The following NALF1 variants were observed in gnomAD, a reference collection of about 807,000 sequenced individuals.
The protein encoded by NALF1 is NALCN channel auxiliary factor 1.
NALF1 carries 3 observed loss-of-function variants against 48.4 expected under a neutral mutation model. The observed-to-expected ratio is 0.06, with a 90% CI of 0.03 to 0.16. NALF1 has a LOEUF of 0.16. Among genes scored for constraint, NALF1 ranks in the 10% least tolerant of loss-of-function variants. The pLI, the probability that NALF1 is intolerant of heterozygous loss-of-function variation, is 1.00. For missense variants in NALF1, 526 were observed against 571.5 expected, an observed-to-expected ratio of 0.92 and a Z score of 0.81; for synonymous variants, 262 against 245.7, an observed-to-expected ratio of 1.07 and a Z score of -0.62.
At chr13:107,619,243 A>C (rs915236929) in intron 1 of NALF1, among the ~76,000 whole-genome samples, 3 of 152,174 alleles carry the variant, frequency 2.0e-5, no homozygotes, top group African/African-American at 7.2e-5. Flanking sequence ...TTATGCGCTC[A>C]GGTCGGTTAA....
At position 107,378,682 on chromosome 13, in the gene NALF1, C is replaced by T. The variant is rs998302562; in HGVS notation, c.916-167927G>A. 3.9e-5 allele frequency among the ~76,000 whole-genome samples: 6 copies of T among 151,946 alleles called. No homozygotes were observed. The South Asian group carries it at 8.3e-4, about 21-fold the overall frequency. ...AAATCTAAAAATTTGAAATATTGAA[C>T]ATTTGAAATATTTTGAGATATTGAA... On this transcript the variant is annotated intron_variant, in intron 1 of 2. Transcript: ENST00000375915.
chr13:107,258,345 A>G (rs1880862457), intron 1 of NALF1, among the ~76,000 whole-genome samples: 1 of 152,196 alleles, frequency 6.6e-6, no homozygotes, highest in Admixed American at 6.5e-5. Context: ...TGTTTTTACA[A>G]TGAAGGATCT....
In NALF1 at chr13:107,485,108, C is replaced by T. The variant is rs527596000; in HGVS notation, c.916-274353G>A. 2.0e-5 allele frequency among the ~76,000 whole-genome samples: 3 copies of T among 152,252 alleles called. No homozygotes were observed. In the South Asian group the frequency reaches 6.2e-4, roughly 32 times the overall value. On this transcript the variant is annotated intron_variant, in intron 1 of 2. Coordinates refer to ENST00000375915, the MANE Select transcript of NALF1 (RefSeq NM_001080396.3). ...TTCAGCAAACTTCCTAAACGTACAG[C>T]TATGACCTAAGTGTTATGAAGCAGG...
chr13:107,636,058 A>G (rs1879967537), intron 1 of NALF1, among the ~76,000 whole-genome samples: 1 of 152,110 alleles, frequency 6.6e-6, no homozygotes, highest in South Asian at 2.1e-4. Context: ...TGCAAAAGTA[A>G]TTGCGGCTTT....
intron 1 of NALF1, among the ~76,000 whole-genome samples, chr13:107,330,794 A>T (rs1378502304): frequency 6.6e-6 from 1 of 152,218 alleles, no homozygotes; most frequent in Non-Finnish European, 1.5e-5. Flanking sequence ...AAACCCTGTC[A>T]TGAGGAACAC....
intron 1 of NALF1, among the ~76,000 whole-genome samples, chr13:107,443,250 C>G (rs1053023253): frequency 6.6e-6 from 1 of 152,072 alleles, no homozygotes; most frequent in Non-Finnish European, 1.5e-5. Context: ...GAGTCTTGAT[C>G]TGTCACCCAG....
At chr13:107,407,418 T>A (rs1203521456) in intron 1 of NALF1, among the ~76,000 whole-genome samples, 1 of 151,920 alleles carries the variant, frequency 6.6e-6, no homozygotes, top group Non-Finnish European at 1.5e-5. Context: ...GGGAAAAACA[T>A]GTAATAATCT....
rs188153470 is a variant in NALF1 at position 107,380,447 on chromosome 13, T to A, written c.916-169692A>T. 1.2e-4 allele frequency among the ~76,000 whole-genome samples: 18 copies of A among 152,146 alleles called. No homozygotes were observed. In the East Asian group the frequency reaches 3.5e-3, roughly 30 times the overall value. On this transcript the variant is annotated intron_variant, in intron 1 of 2. Coordinates refer to ENST00000375915, the MANE Select transcript of NALF1 (RefSeq NM_001080396.3). ...TTTAACCAAGGAAATATAAAACATG[T>A]GTCTATATTTGTGTAGCACAGAGTC...
intron 1 of NALF1, among the ~76,000 whole-genome samples, chr13:107,586,335 C>A (rs1878456641): frequency 6.6e-6 from 1 of 152,048 alleles, no homozygotes; most frequent in Non-Finnish European, 1.5e-5. Flanking sequence ...CAGTCTTATA[C>A]CCCTTTACTA....
At position 107,846,081 on chromosome 13, in the gene NALF1, G is replaced by A. The variant is rs147948333; in HGVS notation, c.915+19601C>T. ...CTCTGCATTTTGCCCTTATCCCCTG[G>A]TAGATTGTATCACTGCTTGTCACAC... On this transcript the variant is annotated intron_variant, in intron 1 of 2. Transcript: ENST00000375915. Among the ~76,000 whole-genome samples, 80 of 152,130 alleles carry A rather than the reference G, an allele frequency of 5.3e-4. No individual in the cohort carries two copies. In the East Asian group the frequency reaches 0.014, roughly 27 times the overall value.
intron 1 of NALF1, among the ~76,000 whole-genome samples, chr13:107,217,624 G>A (rs1029030407): frequency 6.6e-6 from 1 of 151,680 alleles, no homozygotes; most frequent in African/African-American, 2.4e-5. Flanking sequence ...AGTGGAATTC[G>A]GCCTCTTCTT....
intron 1 of NALF1, among the ~76,000 whole-genome samples, chr13:107,798,161 G>A (rs1266010104): frequency 1.3e-5 from 2 of 152,078 alleles, no homozygotes; most frequent in Admixed American, 1.3e-4. Context: ...GGGCGCTACG[G>A]CATCTGTCCA....
At chr13:107,216,977 C>T (rs1272955291) in intron 1 of NALF1, among the ~76,000 whole-genome samples, 1 of 152,194 alleles carries the variant, frequency 6.6e-6, no homozygotes, top group Non-Finnish European at 1.5e-5. Context: ...AAAGGGAAAC[C>T]TAAGAAGCAT....
chr13:107,732,103 A>C (rs114431110), intron 1 of NALF1, among the ~76,000 whole-genome samples: 8 of 152,224 alleles, frequency 5.3e-5, no homozygotes, highest in East Asian at 3.9e-4. Context: ...TTGACTCTCT[A>C]TCAGCCCCCT....
chr13:107,254,121 C>A (rs1880763575), intron 1 of NALF1, among the ~76,000 whole-genome samples: 1 of 150,546 alleles, frequency 6.6e-6, no homozygotes, highest in South Asian at 2.1e-4. Context: ...AGTTAACAAT[C>A]ATTGCAGGCC....
At chr13:107,758,761 T>C (rs1357691692) in intron 1 of NALF1, among the ~76,000 whole-genome samples, 1 of 152,136 alleles carries the variant, frequency 6.6e-6, no homozygotes, top group Non-Finnish European at 1.5e-5. Flanking sequence ...CACGTATAAT[T>C]GCCAAACTTT....
At chr13:107,306,079 C>CATT (rs1478759004) in intron 1 of NALF1, among the ~76,000 whole-genome samples, 1 of 152,122 alleles carries the variant, frequency 6.6e-6, no homozygotes, top group Admixed American at 6.5e-5. Flanking sequence ...AATAAAAACG[C>CATT]ATTAGTTCCA....
intron 1 of NALF1, among the ~76,000 whole-genome samples, chr13:107,324,291 T>C (rs1882308615): frequency 6.6e-6 from 1 of 152,224 alleles, no homozygotes; most frequent in African/African-American, 2.4e-5. Flanking sequence ...CATTTTAAAA[T>C]ATTTTGCTTT....
chr13:107,538,636 C>A (rs1876910536), intron 1 of NALF1, among the ~76,000 whole-genome samples: 1 of 152,056 alleles, frequency 6.6e-6, no homozygotes, highest in Non-Finnish European at 1.5e-5. Flanking sequence ...CATATGATAT[C>A]ATAGATCCTG....
Sources: gnomAD v4.1 joint callset for allele counts (sites outside exome capture counted in the v4.1 genomes callset) on GRCh38, gnomAD v4.1.1 for gene constraint, MANE v1.5 for transcripts, NCBI Gene and HGNC (gene_info 2026-07-23, HGNC 2026-07-21) for gene names.